Variants in MCTP2 observed in about 807,000 individuals in gnomAD.
MCTP2 encodes the protein multiple C2 and transmembrane domain containing 2.
A neutral mutation model predicts 111.6 loss-of-function variants in MCTP2; 132 were observed. The observed-to-expected ratio is 1.18, with a 90% confidence interval of 1.03 to 1.37. MCTP2 has a LOEUF of 1.37. MCTP2 is among the 40% of genes most tolerant of loss of function. MCTP2 has a pLI of 0.00. For synonymous variants in MCTP2, 395 were observed against 387.7 expected (o/e 1.02, Z -0.22); for missense variants, 1,183 against 1,067.9 (o/e 1.11, Z -1.50).
At chr15:94,457,823 C>G (rs188671957) in intron 19 of MCTP2, among the ~76,000 whole-genome samples, 1 of 152,042 alleles carries the variant, frequency 6.6e-6, no homozygotes, top group African/African-American at 2.4e-5. Flanking sequence ...GCCAGACTGA[C>G]GGGATTGCAG....
intron 2 of MCTP2, among the ~76,000 whole-genome samples, chr15:94,299,789 A>G (rs1369377627): frequency 2.6e-5 from 4 of 152,248 alleles, no homozygotes; most frequent in Non-Finnish European, 1.5e-5. Context: ...TTTAGAAACA[A>G]AACTCATTGC....
At chr15:94,287,506 C>T (rs1038383577) in intron 1 of MCTP2, among the ~76,000 whole-genome samples, 16 of 152,144 alleles carry the variant, frequency 1.1e-4, no homozygotes, top group African/African-American at 3.4e-4. Context: ...ATTTTCTGCA[C>T]GTGGTTGTGT....
chr15:94,474,088 C>G (rs1204574419), intron 21 of MCTP2, among the ~76,000 whole-genome samples: 1 of 152,024 alleles, frequency 6.6e-6, no homozygotes, highest in African/African-American at 2.4e-5. Flanking sequence ...ATCCCACTTG[C>G]TTTTTTTCTG....
intron 19 of MCTP2, among the ~76,000 whole-genome samples, chr15:94,451,222 A>G (rs1433209352): frequency 6.6e-6 from 1 of 152,202 alleles, no homozygotes; most frequent in Non-Finnish European, 1.5e-5. Context: ...CATATGATAT[A>G]TATTTTTAGG....
chr15:94,361,673 G>A (rs2078951660), intron 10 of MCTP2, among the ~76,000 whole-genome samples: 1 of 152,156 alleles, frequency 6.6e-6, no homozygotes, highest in African/African-American at 2.4e-5. Flanking sequence ...AATAAGATAT[G>A]ACTAGTAAAA....
intron 19 of MCTP2, among the ~76,000 whole-genome samples, chr15:94,444,090 A>G (rs1036294970): frequency 8.6e-5 from 13 of 151,620 alleles, no homozygotes; most frequent in Admixed American, 7.9e-4. Flanking sequence ...CTGGCCAGCT[A>G]TCAGGTGGGG....
At position 94,482,527 on chromosome 15, in the gene MCTP2, G is replaced by T. The variant is rs1370383921; in HGVS notation, c.*3493G>T. ...GGGAGAGAACTGTAAGAACTGCTGT[G>T]AGAGGACCACAGGAGTCCAGTTTTA... is the stretch of plus-strand genomic sequence containing the variant. On this transcript the variant is annotated 3_prime_UTR_variant, in exon 23 of 23. Transcript: ENST00000357742. 6.6e-6 allele frequency: 1 copy of T among 152,214 alleles called. No homozygotes were observed. The highest frequency in any genetic ancestry group is 1.5e-5 in the Non-Finnish European group (1 of 68,056). 9.4% of individuals were successfully genotyped at this position (152,214 alleles called of 1,614,324 possible). A position where few individuals can be genotyped will look rare whatever the true frequency, so the allele number is the denominator to read the frequency against.
At chr15:94,246,811 C>T (rs889679444) in intron 1 of MCTP2, among the ~76,000 whole-genome samples, 1 of 152,136 alleles carries the variant, frequency 6.6e-6, no homozygotes, top group Non-Finnish European at 1.5e-5. Flanking sequence ...TTGATGGAAT[C>T]CAAGTGGTGG....
chr15:94,462,225 T>G (rs1362917873), intron 20 of MCTP2, among the ~76,000 whole-genome samples: 1 of 152,184 alleles, frequency 6.6e-6, no homozygotes, highest in Non-Finnish European at 1.5e-5. Flanking sequence ...ACAATCATTT[T>G]TGTTAAGTGG....
chr15:94,281,246 G>C (rs1225096766), intron 1 of MCTP2, among the ~76,000 whole-genome samples: 1 of 152,164 alleles, frequency 6.6e-6, no homozygotes, highest in Non-Finnish European at 1.5e-5. Flanking sequence ...GGCTGCTCCA[G>C]TGTTGGGTAC....
intron 4 of MCTP2, among the ~76,000 whole-genome samples, chr15:94,325,350 ATAGT>A (rs1250245942): frequency 6.6e-6 from 1 of 152,108 alleles, no homozygotes; most frequent in Non-Finnish European, 1.5e-5. Flanking sequence ...GTGAATTGTC[ATAGT>A]TATTCTTGGT....
chr15:94,469,212 G>T (rs1023684919), intron 20 of MCTP2, among the ~76,000 whole-genome samples: 2 of 152,098 alleles, frequency 1.3e-5, no homozygotes, highest in African/African-American at 2.4e-5. Flanking sequence ...GAGGCTCTAC[G>T]GTTAAATCTG....
chr15:94,357,468 T>A (rs1010497378), intron 9 of MCTP2, among the ~76,000 whole-genome samples: 16 of 152,158 alleles, frequency 1.1e-4, no homozygotes, highest in African/African-American at 3.9e-4. Flanking sequence ...TAAGGTGAAG[T>A]GTAGAATTAG....
intron 22 of MCTP2, among the ~76,000 whole-genome samples, chr15:94,478,673 G>T (rs1320018016): frequency 6.6e-6 from 1 of 152,188 alleles, no homozygotes; most frequent in Non-Finnish European, 1.5e-5. Flanking sequence ...CTTACTTATG[G>T]TTGAAAACTG....
chr15:94,293,195 A>T (rs550779244), intron 1 of MCTP2, among the ~76,000 whole-genome samples: 11 of 152,294 alleles, frequency 7.2e-5, no homozygotes, highest in South Asian at 2.1e-4. Flanking sequence ...ATAAAATTTT[A>T]AAAAATGGCT....
intron 6 of MCTP2, 78 bp from the exon 7 acceptor site, chr15:94,340,735 C>G (rs1157343100): frequency 1.1e-5 from 9 of 817,984 alleles, no homozygotes; most frequent in Non-Finnish European, 1.5e-5. Context: ...GAGACTTTTA[C>G]CATAAGCTCC....
At chr15:94,320,108 G>A (rs1348124221) in intron 4 of MCTP2, among the ~76,000 whole-genome samples, 2 of 150,318 alleles carry the variant, frequency 1.3e-5, no homozygotes, top group African/African-American at 4.9e-5. Flanking sequence ...TACAATCTTA[G>A]TGCTGTATTA....
intron 1 of MCTP2, among the ~76,000 whole-genome samples, chr15:94,290,033 AG>A (rs1378494662): frequency 6.6e-6 from 1 of 152,146 alleles, no homozygotes; most frequent in African/African-American, 2.4e-5. Context: ...GGCCTCTAAA[AG>A]CTAAGATCAG....
Position 94,480,914 on chromosome 15 carries a change from C to G in MCTP2, c.*1880C>G, listed in dbSNP as rs1332920668. 2 of 152,052 alleles carry G rather than the reference C, an allele frequency of 1.3e-5. No homozygotes were observed. Among genetic ancestry groups the G allele is most frequent in the Non-Finnish European group, 2.9e-5 (2 of 67,974 alleles). 9.4% of individuals were successfully genotyped at this position (152,052 alleles called of 1,614,324 possible). On this transcript the variant is annotated 3_prime_UTR_variant, in exon 23 of 23. Transcript: ENST00000357742. ...AAATTCTCAGTGTTAAGTTTAGGAC[C>G]CAAACACCAGCTGGGACGTAAGAGC...
Sources: gnomAD v4.1 joint callset for allele counts (sites outside exome capture counted in the v4.1 genomes callset) on GRCh38, gnomAD v4.1.1 for gene constraint, MANE v1.5 for transcripts, NCBI Gene and HGNC (gene_info 2026-07-23, HGNC 2026-07-21) for gene names.